PSME4: variants seen among roughly 807,000 people sequenced by gnomAD.
PSME4 encodes the protein proteasome activator complex subunit 4.
A neutral mutation model predicts 253.9 loss-of-function variants in PSME4; 89 were observed. That is an observed-to-expected ratio of 0.35 (90% CI 0.30 to 0.42). The LOEUF (loss-of-function observed/expected upper bound fraction) is 0.42, where lower values mean the gene tolerates loss of function less well. PSME4 is among the 10% of genes least tolerant of loss of function. The pLI is 1.00. For synonymous variants in PSME4, 851 were observed against 759.2 expected (o/e 1.12, Z -1.99); for missense variants, 2,014 against 2,195.2 (o/e 0.92, Z 1.65).
At chr2:53,948,018 A>C (rs1253023495) in intron 3 of PSME4, among the ~76,000 whole-genome samples, 1 of 152,114 alleles carries the variant, frequency 6.6e-6, no homozygotes, top group East Asian at 1.9e-4. Flanking sequence ...ACCATCTCAG[A>C]AAAAAAAGAA....
chr2:53,966,211 G>A (rs988901382), intron 1 of PSME4, among the ~76,000 whole-genome samples: 1 of 152,138 alleles, frequency 6.6e-6, no homozygotes, highest in Non-Finnish European at 1.5e-5. Context: ...TTGAACCTGG[G>A]AGGCAGAGGC....
chr2:53,937,258 A>G, intron 5 of PSME4, 133 bp downstream of exon 5: 1 of 842,968 alleles, frequency 1.2e-6, no homozygotes, highest in Non-Finnish European at 1.8e-6. Context: ...ACACACTTCA[A>G]GTATAATAAA....
intron 29 of PSME4, among the ~76,000 whole-genome samples, chr2:53,899,393 C>A (rs1253869112): frequency 1.3e-5 from 2 of 151,976 alleles, no homozygotes; most frequent in African/African-American, 4.8e-5. Flanking sequence ...TTTTATACCT[C>A]CATAGCTTAA....
Position 53,887,915 on chromosome 2 carries a change from T to C in PSME4, c.4463A>G (p.Lys1488Arg). ...RVPELLHRLLKYLEPKLTQVY... is the reference protein window; with the variant it reads ...RVPELLHRLLRYLEPKLTQVY... ...CTGGGTGAGTTTGGGTTCCAAGTAC[T>C]TCAGTAGTCTGTGCAATAGTTCAGG... The change falls in exon 39 of 47, where the codon AAG becomes AGG. Residue 1488 changes from lysine to arginine, a missense_variant. Around this residue, in one of 4 missense-constraint regions of PSME4, gnomAD observed 403 missense variants for 556.1 expected, o/e 0.72. Coordinates refer to ENST00000404125, the MANE Select transcript of PSME4 (RefSeq NM_014614.3). The C allele has an allele frequency of 1.2e-6, 2 of 1,606,934 alleles. No homozygotes were observed. The highest frequency in any genetic ancestry group is 1.7e-6 in the Non-Finnish European group (2 of 1,173,602).
chr2:53,886,508 C>A lies in PSME4; in HGVS notation c.4730-733G>T, dbSNP rs1051367993. ...TGCAAACCAAAATCACAAGATACCT[C>A]TTCATACCCACTAAGATGGCTATAC... On this transcript the variant is annotated intron_variant, in intron 40 of 46. Coordinates refer to ENST00000404125, the MANE Select transcript of PSME4 (RefSeq NM_014614.3). Among the ~76,000 whole-genome samples, 5 of 152,206 alleles carry A rather than the reference C, an allele frequency of 3.3e-5. No individual in the cohort carries two copies. The East Asian group carries it at 9.6e-4, about 29-fold the overall frequency.
intron 13 of PSME4, 119 bp from the exon 14 acceptor site, chr2:53,925,808 G>T: frequency 7.9e-7 from 1 of 1,261,482 alleles, no homozygotes; most frequent in Non-Finnish European, 1.1e-6. Context: ...TAATTTCTAC[G>T]TGGTTCACAA....
At chr2:53,958,962 T>G (rs1670357518) in intron 1 of PSME4, among the ~76,000 whole-genome samples, 1 of 152,150 alleles carries the variant, frequency 6.6e-6, no homozygotes, top group Admixed American at 6.5e-5. Context: ...AATTACATGT[T>G]AAAACTTTAC....
intron 29 of PSME4, 148 bp downstream of exon 29, chr2:53,899,733 G>T: frequency 1.1e-6 from 1 of 932,186 alleles, no homozygotes; most frequent in Non-Finnish European, 1.6e-6. Flanking sequence ...CATGAGAAGA[G>T]CTTAAACCCA....
intron 4 of PSME4, among the ~76,000 whole-genome samples, chr2:53,937,831 T>C (rs1282396055): frequency 1.3e-5 from 2 of 151,940 alleles, no homozygotes; most frequent in Non-Finnish European, 2.9e-5. Flanking sequence ...AACCCAGTCT[T>C]TACAAAAAAT....
intron 36 of PSME4, among the ~76,000 whole-genome samples, chr2:53,891,899 G>A (rs1012690220): frequency 1.3e-5 from 2 of 151,794 alleles, no homozygotes; most frequent in African/African-American, 4.8e-5. Context: ...CAAGGAAGAT[G>A]GACGGATGGA....
chr2:53,920,655 T>C (rs1486882602), intron 18 of PSME4, among the ~76,000 whole-genome samples: 1 of 152,162 alleles, frequency 6.6e-6, no homozygotes, highest in Non-Finnish European at 1.5e-5. Context: ...TATTGAACTA[T>C]AGACATTAGA....
chr2:53,916,003 A>G (rs1668044541), intron 20 of PSME4, among the ~76,000 whole-genome samples: 1 of 152,162 alleles, frequency 6.6e-6, no homozygotes, highest in South Asian at 2.1e-4. Context: ...TGAACCCGGA[A>G]GGCAGAGGTT....
At chr2:53,936,854 T>C (rs1422099571) in intron 5 of PSME4, 27 bp from the exon 6 acceptor site, 2 of 1,511,154 alleles carry the variant, frequency 1.3e-6, no homozygotes, top group Non-Finnish European at 1.8e-6. Context: ...TTGTTATGAA[T>C]AGCAAGTGAT....
chr2:53,870,914 G>T (rs1165957505), intron 43 of PSME4: 1 of 152,080 alleles, frequency 6.6e-6, no homozygotes, highest in East Asian at 1.9e-4. Context: ...GGGATTACAG[G>T]CGTAAGCCTC....
chr2:53,956,914 T>C lies in PSME4; in HGVS notation c.243-7631A>G, dbSNP rs574386846. 2.0e-5 allele frequency among the ~76,000 whole-genome samples: 3 copies of C among 152,304 alleles called. No individual in the cohort carries two copies. In the East Asian group the frequency reaches 5.8e-4, roughly 29 times the overall value. ...ATAACGTCTTAAGAGTCAACTTGAA[T>C]AGGTTTCTCACCAATCAAAAATGAA... On this transcript the variant is annotated intron_variant, in intron 1 of 46. Coordinates refer to ENST00000404125, the MANE Select transcript of PSME4 (RefSeq NM_014614.3).
chr2:53,956,832 T>C (rs1670259342), intron 1 of PSME4, among the ~76,000 whole-genome samples: 1 of 152,170 alleles, frequency 6.6e-6, no homozygotes, highest in South Asian at 2.1e-4. Flanking sequence ...ATAATCAATA[T>C]TTCTGCATTT....
chr2:53,890,436 A>G (rs919422603), intron 36 of PSME4, among the ~76,000 whole-genome samples: 1 of 152,118 alleles, frequency 6.6e-6, no homozygotes, highest in African/African-American at 2.4e-5. Flanking sequence ...CCTTCCAAGG[A>G]GCATGGACTA....
chr2:53,870,519 A>G (rs1256710374), intron 43 of PSME4: 5 of 150,990 alleles, frequency 3.3e-5, no homozygotes, highest in Non-Finnish European at 7.4e-5. Flanking sequence ...GACTACAGGC[A>G]CCTGACACCA....
intron 39 of PSME4, 126 bp downstream of exon 39, chr2:53,887,732 A>C (rs1320093204): frequency 8.1e-7 from 1 of 1,239,078 alleles, no homozygotes; most frequent in African/African-American, 1.5e-5. Context: ...CACAATAGCA[A>C]ACAATTTGAG....
Sources: allele counts gnomAD v4.1 joint callset (sites outside exome capture counted in the v4.1 genomes callset), GRCh38; gene constraint gnomAD v4.1.1; regional missense constraint gnomAD v4.1.1; transcripts MANE v1.5; gene names NCBI Gene and HGNC (gene_info 2026-07-23, HGNC 2026-07-21).